Variants in MEOX1 observed in about 807,000 individuals in gnomAD.
MEOX1 encodes homeobox protein MOX-1.
Under a neutral mutation model 23.2 loss-of-function variants are expected in MEOX1, and 17 were observed. That is an observed-to-expected ratio of 0.73 (90% CI 0.50 to 1.10). The LOEUF (loss-of-function observed/expected upper bound fraction) is 1.10. Among genes scored for constraint, MEOX1 ranks in the 50% least tolerant of loss-of-function variants. The pLI is 0.00. For synonymous variants in MEOX1, 134 were observed against 135.1 expected (o/e 0.99, Z 0.06); for missense variants, 333 against 332.2 (o/e 1.00, Z -0.02).
At chr17:43,653,193 G>A (rs1290479355) in intron 1 of MEOX1, among the ~76,000 whole-genome samples, 1 of 146,902 alleles carries the variant, frequency 6.8e-6, no homozygotes. Context: ...CAGCTGGAGT[G>A]CAGTGGCACG....
chr17:43,658,399 CAGG>C (rs1308416380), intron 1 of MEOX1, among the ~76,000 whole-genome samples: 1 of 151,232 alleles, frequency 6.6e-6, no homozygotes, highest in African/African-American at 2.4e-5. Flanking sequence ...CCCAGCTACT[CAGG>C]AGGCTGAGAC....
In MEOX1 at chr17:43,661,765, G is replaced by T. The variant is rs1973150960; in HGVS notation, c.-231C>A. On this transcript the variant is annotated 5_prime_UTR_variant, in exon 1 of 3. Transcript: ENST00000318579. Reference sequence around the variant, plus strand: ...ATGTGTGTGCACACACCTATGTCGGGCTTGCTCCTGCCCCTCCAATGCACC... The same window carrying T: ...ATGTGTGTGCACACACCTATGTCGGTCTTGCTCCTGCCCCTCCAATGCACC... The T allele has an allele frequency of 3.4e-5, 14 of 407,184 alleles. No individual in the cohort carries two copies. The highest frequency in any genetic ancestry group is 5.6e-5 in the Non-Finnish European group (13 of 232,314). 25.2% of individuals were successfully genotyped at this position (407,184 alleles called of 1,614,324 possible).
chr17:43,661,344 G>C lies in MEOX1; in HGVS notation c.191C>G (p.Ala64Gly), dbSNP rs1292292017. The change falls in exon 1 of 3, where the codon GCC becomes GGC. Residue 64 changes from alanine to glycine, a missense_variant. Coordinates refer to ENST00000318579, the MANE Select transcript of MEOX1 (RefSeq NM_004527.4). Reference sequence around the variant, plus strand: ...GTGTGGGGTGGCTGCCAGGCAGGAGGCTGAGAAGTCAGGGTACGCTGCCGT... The same window carrying C: ...GTGTGGGGTGGCTGCCAGGCAGGAGCCTGAGAAGTCAGGGTACGCTGCCGT... ...TATAAYPDFSASCLAATPHSL... is the reference protein window; with the variant it reads ...TATAAYPDFSGSCLAATPHSL... 45 of 1,613,686 alleles carry C rather than the reference G, an allele frequency of 2.8e-5. No individual in the cohort carries two copies. The highest frequency in any genetic ancestry group is 3.7e-5 in the Non-Finnish European group (44 of 1,179,884).
intron 1 of MEOX1, among the ~76,000 whole-genome samples, chr17:43,645,076 T>TAC (rs1427420932): frequency 6.6e-6 from 1 of 151,854 alleles, no homozygotes; most frequent in Non-Finnish European, 1.5e-5. Flanking sequence ...ACCACACACT[T>TAC]ACACAATTAA....
intron 1 of MEOX1, among the ~76,000 whole-genome samples, chr17:43,652,825 C>CTTATTTT (rs1567746229): frequency 1.4e-5 from 1 of 71,072 alleles, no homozygotes; most frequent in African/African-American, 5.0e-5. Context: ...TCTACTATTG[C>CTTATTTT]TTTTTTTTTT....
At position 43,661,055 on chromosome 17, in the gene MEOX1, G is replaced by A; in HGVS notation, c.469+11C>T. The A allele has an allele frequency of 6.8e-7, 1 of 1,476,736 alleles. No homozygotes were observed. Among genetic ancestry groups the A allele is most frequent in the Non-Finnish European group, 9.0e-7 (1 of 1,107,748 alleles). 91.5% of individuals were successfully genotyped at this position (1,476,736 alleles called of 1,614,324 possible). A position where few individuals can be genotyped will look rare whatever the true frequency, so the allele number is the denominator to read the frequency against. ...AGTAAAGGAATGATCAGCTGCTCCT[G>A]AGCCACCTACCTGAACTCTCCTTTC... On this transcript the variant is annotated intron_variant, in intron 1 of 2. Coordinates refer to ENST00000318579, the MANE Select transcript of MEOX1 (RefSeq NM_004527.4).
intron 1 of MEOX1, 141 bp from the exon 2 acceptor site, chr17:43,643,801 T>G (rs569123956): frequency 1.3e-5 from 8 of 602,700 alleles, no homozygotes; most frequent in African/African-American, 1.3e-4. Context: ...CACTGTCCTT[T>G]TTATTCCTTC....
At chr17:43,642,312 G>A (rs552494619) in intron 2 of MEOX1, among the ~76,000 whole-genome samples, 1 of 152,182 alleles carries the variant, frequency 6.6e-6, no homozygotes, top group Non-Finnish European at 1.5e-5. Context: ...GCCCTGCCCT[G>A]CCTGTGCCAG....
chr17:43,657,050 C>CTTTCTTTCT (rs1567748249), intron 1 of MEOX1, among the ~76,000 whole-genome samples: 1 of 134,966 alleles, frequency 7.4e-6, no homozygotes, highest in East Asian at 2.1e-4. Flanking sequence ...TTCTTTCTTT[C>CTTTCTTTCT]TTTCTTTCCT....
At chr17:43,650,437 G>T (rs370795580) in intron 1 of MEOX1, among the ~76,000 whole-genome samples, 1 of 152,148 alleles carries the variant, frequency 6.6e-6, no homozygotes, top group Non-Finnish European at 1.5e-5. Context: ...ACATTAGCCC[G>T]TTGAACATAT....
chr17:43,648,060 A>C (rs900595819), intron 1 of MEOX1, among the ~76,000 whole-genome samples: 1 of 152,198 alleles, frequency 6.6e-6, no homozygotes, highest in Non-Finnish European at 1.5e-5. Flanking sequence ...CAGTATTACA[A>C]ATTGCAATAT....
intron 1 of MEOX1, among the ~76,000 whole-genome samples, chr17:43,651,258 G>C (rs758662186): frequency 1.3e-5 from 2 of 152,184 alleles, no homozygotes; most frequent in Non-Finnish European, 2.9e-5. Context: ...GGCCGAGCTT[G>C]CAGGAAGCCT....
intron 1 of MEOX1, among the ~76,000 whole-genome samples, chr17:43,658,558 T>A (rs1423290350): frequency 2.7e-5 from 4 of 149,066 alleles, no homozygotes; most frequent in Non-Finnish European, 6.0e-5. Flanking sequence ...AAATCAAAAG[T>A]AATGCAAAAA....
Position 43,643,493 on chromosome 17 carries a change from G to C in MEOX1, c.637C>G (p.Arg213Gly). 1.3e-6 allele frequency: 2 copies of C among 1,584,220 alleles called. No homozygotes were observed. Among genetic ancestry groups the C allele is most frequent in the Non-Finnish European group, 1.7e-6 (2 of 1,164,686 alleles). ...GGGGCCCACCGGGGGCGCACCTGGCGCTCAGAGAGGTCCAGGTTTACCGCA... is the reference window on the plus strand; with the variant it reads ...GGGGCCCACCGGGGGCGCACCTGGCCCTCAGAGAGGTCCAGGTTTACCGCA... ...EIAVNLDLSE[R>G]QVKVWFQNRR... Residue 213 changes from arginine (R) to glycine (G), a missense_variant, in exon 2 of 3, where the codon CGC (arginine) becomes GGC (glycine). Coordinates refer to ENST00000318579, the MANE Select transcript of MEOX1 (RefSeq NM_004527.4).
At chr17:43,649,100 G>C (rs1446477229) in intron 1 of MEOX1, among the ~76,000 whole-genome samples, 1 of 152,152 alleles carries the variant, frequency 6.6e-6, no homozygotes, top group African/African-American at 2.4e-5. Context: ...GAGCTGGATA[G>C]CGGGCGTTAA....
rs111643686 is a variant in MEOX1 at position 43,647,450 on chromosome 17, GA to G, written c.470-3791del. ...TGTGCCTGACAGCTTTTAGGTGACA[GA>G]AGGGAGATTTGAACCCAGATCCATC... On this transcript the variant is annotated intron_variant, in intron 1 of 2. Coordinates refer to ENST00000318579, the MANE Select transcript of MEOX1 (RefSeq NM_004527.4). Among the ~76,000 whole-genome samples the G allele has an allele frequency of 6.5e-3, 991 of 152,332 alleles. 6 individuals are homozygous for G. The highest frequency in any genetic ancestry group is 0.023 in the African/African-American group (952 of 41,562).
intron 1 of MEOX1, among the ~76,000 whole-genome samples, chr17:43,645,171 CTTTTTTTTT>C (rs869205502): frequency 7.2e-4 from 72 of 99,786 alleles, no homozygotes; most frequent in Non-Finnish European, 1.1e-3. Context: ...CATTAATTAT[CTTTTTTTTT>C]TTTTTTTTTT....
At position 43,641,794 on chromosome 17, in the gene MEOX1, G is replaced by A. The variant is rs1972698804; in HGVS notation, c.*116C>T. On this transcript the variant is annotated 3_prime_UTR_variant, in exon 3 of 3. Transcript: ENST00000318579. ...GGGCAGTTTCATATCCAAGAGTCAG[G>A]GAAAGATGTGGAGAGGCTGCCCTGG... The A allele has an allele frequency of 9.0e-7, 1 of 1,109,688 alleles. No homozygotes were observed. Among genetic ancestry groups the A allele is most frequent in the African/African-American group, 1.6e-5 (1 of 64,134 alleles). The allele number at this position is 1,109,688 out of a possible 1,614,324, so 68.7% of individuals were successfully genotyped here.
intron 1 of MEOX1, among the ~76,000 whole-genome samples, chr17:43,649,939 T>C (rs142050599): frequency 3.9e-5 from 6 of 152,352 alleles, no homozygotes; most frequent in Non-Finnish European, 7.3e-5. Context: ...TTATTTCATA[T>C]GTAGCTGCCA....
Sources: gnomAD v4.1 joint callset for allele counts (sites outside exome capture counted in the v4.1 genomes callset) on GRCh38, gnomAD v4.1.1 for gene constraint, MANE v1.5 for transcripts, NCBI Gene and HGNC (gene_info 2026-07-23, HGNC 2026-07-21) for gene names.